DGKG: variants seen among roughly 807,000 people sequenced by gnomAD.
DGKG encodes DAG kinase gamma.
Under a neutral mutation model 105.3 loss-of-function variants are expected in DGKG, and 78 were observed. That is an observed-to-expected ratio of 0.74 (90% CI 0.62 to 0.89). The LOEUF is 0.89. Ranked by LOEUF, DGKG falls within the 40% of genes least tolerant of loss-of-function variation. The probability of loss-of-function intolerance (pLI) is 0.00; values close to 1 mark genes in which losing one functional copy is unlikely to be tolerated. For missense variants in DGKG, 958 were observed against 1,020.1 expected (o/e 0.94, Z 0.83); for synonymous variants, 346 against 367.1 (o/e 0.94, Z 0.66).
chr3:186,358,139 G>A (rs1047928715), intron 1 of DGKG, among the ~76,000 whole-genome samples: 13 of 152,236 alleles, frequency 8.5e-5, no homozygotes, highest in African/African-American at 3.1e-4. Flanking sequence ...TCGTTCATTC[G>A]TCACATTTAA....
intron 19 of DGKG, 89 bp from the exon 20 acceptor site, chr3:186,242,657 G>C (rs1578714393): frequency 5.3e-6 from 6 of 1,131,396 alleles, no homozygotes; most frequent in East Asian, 5.0e-5. Flanking sequence ...CACTCGCTGA[G>C]TCATGCCAAC....
At chr3:186,239,415 T>A (rs1018259567) in intron 20 of DGKG, among the ~76,000 whole-genome samples, 1 of 152,232 alleles carries the variant, frequency 6.6e-6, no homozygotes, top group African/African-American at 2.4e-5. Flanking sequence ...GCTTTCTTCC[T>A]ATGCCTTGCG....
chr3:186,197,281 AGG>A (rs1403259482), intron 21 of DGKG, among the ~76,000 whole-genome samples: 2 of 152,140 alleles, frequency 1.3e-5, no homozygotes, highest in Non-Finnish European at 2.9e-5. Context: ...ACACTTGAAT[AGG>A]GGTTCTGATG....
At chr3:186,328,747 T>C (rs1409286438) in intron 1 of DGKG, among the ~76,000 whole-genome samples, 3 of 151,976 alleles carry the variant, frequency 2.0e-5, no homozygotes, top group Non-Finnish European at 1.5e-5. Flanking sequence ...GGCTAATTTT[T>C]GTATTTTTTG....
chr3:186,285,830 C>G (rs576787707), intron 6 of DGKG, among the ~76,000 whole-genome samples: 1 of 152,266 alleles, frequency 6.6e-6, no homozygotes, highest in South Asian at 2.1e-4. Flanking sequence ...CAGGCATGCA[C>G]CACCACACCC....
intron 19 of DGKG, among the ~76,000 whole-genome samples, chr3:186,248,883 T>G (rs1721073436): frequency 6.6e-6 from 1 of 152,186 alleles, no homozygotes; most frequent in Admixed American, 6.5e-5. Flanking sequence ...AATGCCTGCC[T>G]CCACTGGCAG....
At chr3:186,201,847 A>C (rs1275106025) in intron 21 of DGKG, among the ~76,000 whole-genome samples, 1 of 152,260 alleles carries the variant, frequency 6.6e-6, no homozygotes, top group Non-Finnish European at 1.5e-5. Context: ...TATAGAATGA[A>C]TAAGATAAAG....
At chr3:186,292,335 AC>A in intron 5 of DGKG, among the ~76,000 whole-genome samples, 1 of 152,334 alleles carries the variant, frequency 6.6e-6, no homozygotes, top group African/African-American at 2.4e-5. Context: ...GATTTAACAC[AC>A]AAAGTATGTG....
chr3:186,349,438 T>A (rs1392313789), intron 1 of DGKG, among the ~76,000 whole-genome samples: 1 of 152,226 alleles, frequency 6.6e-6, no homozygotes, highest in Non-Finnish European at 1.5e-5. Flanking sequence ...AGTTTCACAA[T>A]CTCAGATTGC....
intron 20 of DGKG, among the ~76,000 whole-genome samples, chr3:186,241,799 T>TCAC (rs1360441161): frequency 6.6e-6 from 1 of 152,040 alleles, no homozygotes; most frequent in Admixed American, 6.5e-5. Context: ...GAGAAAGGGG[T>TCAC]AGCTATACGT....
intron 24 of DGKG, chr3:186,160,578 GT>G (rs1189152971): frequency 7.1e-6 from 7 of 985,378 alleles, no homozygotes; most frequent in Admixed American, 6.1e-5. Context: ...TTCTCAGCAG[GT>G]TCATGGAAAC....
chr3:186,207,966 C>T (rs1169229541), intron 21 of DGKG, among the ~76,000 whole-genome samples: 1 of 152,248 alleles, frequency 6.6e-6, no homozygotes, highest in Admixed American at 6.5e-5. Context: ...GACCAAGTCT[C>T]CTATTCCTTC....
At chr3:186,193,894 G>A (rs1250363224) in intron 21 of DGKG, among the ~76,000 whole-genome samples, 5 of 152,240 alleles carry the variant, frequency 3.3e-5, no homozygotes, top group African/African-American at 7.2e-5. Context: ...GCTGCCCTCC[G>A]AGCCGAGGCT....
intron 22 of DGKG, among the ~76,000 whole-genome samples, chr3:186,187,116 G>T (rs956619009): frequency 2.0e-5 from 3 of 152,200 alleles, no homozygotes. Context: ...GTGATCTTTG[G>T]CTTTTTCTCC....
At chr3:186,239,374 G>A (rs559379752) in intron 20 of DGKG, among the ~76,000 whole-genome samples, 3 of 152,332 alleles carry the variant, frequency 2.0e-5, no homozygotes, top group African/African-American at 7.2e-5. Context: ...GTTTGATAAT[G>A]CCGTTTACAT....
At chr3:186,321,369 G>C (rs868617336) in intron 1 of DGKG, among the ~76,000 whole-genome samples, 4 of 152,204 alleles carry the variant, frequency 2.6e-5, no homozygotes, top group Non-Finnish European at 5.9e-5. Context: ...GAATAGGGTA[G>C]AATGAGATGG....
intron 9 of DGKG, among the ~76,000 whole-genome samples, chr3:186,277,407 T>C (rs1541614): frequency 0.4 from 61,458 of 152,104 alleles, 13,029 homozygotes; most frequent in African/African-American, 0.52. Context: ...CAAGCCCACA[T>C]AGATAATGAG....
chr3:186,186,205 G>A (rs1019244648), intron 22 of DGKG, among the ~76,000 whole-genome samples: 7 of 151,774 alleles, frequency 4.6e-5, no homozygotes, highest in Admixed American at 3.3e-4. Flanking sequence ...ATAACAATCT[G>A]ATTGTCAAAT....
intron 21 of DGKG, among the ~76,000 whole-genome samples, chr3:186,194,815 A>AAAAAAAAT (rs1718097264): frequency 6.6e-6 from 1 of 151,162 alleles, no homozygotes; most frequent in Admixed American, 6.6e-5. Flanking sequence ...AAAAAAAAAA[A>AAAAAAAAT]AAAAAAAGCC....
Sources: gnomAD v4.1 joint callset for allele counts (sites outside exome capture counted in the v4.1 genomes callset) on GRCh38, gnomAD v4.1.1 for gene constraint, MANE v1.5 for transcripts, NCBI Gene and HGNC (gene_info 2026-07-23, HGNC 2026-07-21) for gene names.